The following C1QTNF3 variants were observed in gnomAD, a reference collection of about 807,000 sequenced individuals.
C1QTNF3 encodes the protein complement C1q tumor necrosis factor-related protein 3.
A neutral mutation model predicts 32.6 loss-of-function variants in C1QTNF3; 26 were observed. The ratio of observed to expected loss-of-function variants is 0.80; its 90% CI spans 0.58 to 1.11. The LOEUF is 1.11. C1QTNF3 is among the 50% of genes least tolerant of loss of function. The probability of loss-of-function intolerance (pLI) is 0.00; values close to 1 mark genes in which losing one functional copy is unlikely to be tolerated. For missense variants in C1QTNF3, 362 were observed against 398.2 expected, an observed-to-expected ratio of 0.91 and a Z score of 0.77; for synonymous variants, 155 against 146.0, an observed-to-expected ratio of 1.06 and a Z score of -0.44.
upstream of C1QTNF3, chr5:34,043,310 C>G (rs936878055): frequency 1.6e-6 from 1 of 607,480 alleles, no homozygotes; most frequent in African/African-American, 1.9e-5. Flanking sequence ...CCAGGCAGAA[C>G]AGCCCCCATT....
intron 1 of C1QTNF3, among the ~76,000 whole-genome samples, chr5:34,038,394 A>C (rs986992097): frequency 1.7e-4 from 26 of 152,266 alleles, no homozygotes; most frequent in African/African-American, 5.8e-4. Context: ...AGGTGTTTTA[A>C]GAAAGACGTA....
chr5:34,027,585 C>A (rs2112103411), intron 4 of C1QTNF3, among the ~76,000 whole-genome samples: 1 of 152,128 alleles, frequency 6.6e-6, no homozygotes, highest in Middle Eastern at 3.4e-3. Context: ...GCAGTCCCAG[C>A]TACTCAGGAG....
the C1QTNF3 span, among the ~76,000 whole-genome samples, chr5:34,145,723 A>G: frequency 1.3e-5 from 2 of 151,606 alleles, no homozygotes; most frequent in African/African-American, 4.8e-5. Flanking sequence ...TCCCGCCAGT[A>G]TCCCTGATGA....
the C1QTNF3 span, among the ~76,000 whole-genome samples, chr5:34,145,087 C>T: frequency 2.0e-5 from 3 of 152,180 alleles, no homozygotes; most frequent in East Asian, 5.8e-4. Flanking sequence ...CAAGACTGTG[C>T]CACTGCACTC....
chr5:34,164,639 A>C, the C1QTNF3 span: 1 of 152,044 alleles, frequency 6.6e-6, no homozygotes, highest in Non-Finnish European at 1.5e-5. Context: ...TGGGTAAAAA[A>C]GCAAGGAGTG....
the C1QTNF3 span, among the ~76,000 whole-genome samples, chr5:34,136,412 C>T: frequency 6.6e-6 from 1 of 152,232 alleles, no homozygotes; most frequent in African/African-American, 2.4e-5. Context: ...CTCATCGTCA[C>T]TAGTCATCAG....
chr5:34,056,316 C>G, the C1QTNF3 span, among the ~76,000 whole-genome samples: 1 of 151,374 alleles, frequency 6.6e-6, no homozygotes, highest in Non-Finnish European at 1.5e-5. Context: ...TTTTCTTACT[C>G]ATGCTTGTGC....
the C1QTNF3 span, among the ~76,000 whole-genome samples, chr5:34,213,420 T>G: frequency 1.3e-5 from 2 of 151,896 alleles, no homozygotes; most frequent in African/African-American, 4.8e-5. Flanking sequence ...ATAAAAGAGA[T>G]TAATAATAAA....
the C1QTNF3 span, among the ~76,000 whole-genome samples, chr5:34,174,893 G>A: frequency 5.9e-4 from 88 of 149,656 alleles, no homozygotes; most frequent in African/African-American, 2.0e-3. Flanking sequence ...GACTACAGGC[G>A]CCCACCACCA....
At chr5:34,036,308 T>C (rs556509306) in intron 1 of C1QTNF3, among the ~76,000 whole-genome samples, 3 of 152,350 alleles carry the variant, frequency 2.0e-5, no homozygotes, top group South Asian at 4.1e-4. Flanking sequence ...TAAATTGTCT[T>C]AGAAAACGAA....
chr5:34,207,475 T>A, the C1QTNF3 span, among the ~76,000 whole-genome samples: 2 of 152,176 alleles, frequency 1.3e-5, no homozygotes, highest in Non-Finnish European at 1.5e-5. Context: ...GGTTGTTCAC[T>A]TTTTAGAAAC....
chr5:34,101,102 T>C, the C1QTNF3 span, among the ~76,000 whole-genome samples: 1 of 151,808 alleles, frequency 6.6e-6, no homozygotes, highest in Non-Finnish European at 1.5e-5. Context: ...AAAATCAAAA[T>C]AGCTTTCTTT....
the C1QTNF3 span, among the ~76,000 whole-genome samples, chr5:34,138,547 T>G: frequency 1.3e-5 from 2 of 152,274 alleles, no homozygotes; most frequent in East Asian, 3.9e-4. Context: ...TTCAAAGTGA[T>G]GCTTTATATA....
the C1QTNF3 span, among the ~76,000 whole-genome samples, chr5:34,196,816 C>T: frequency 4.6e-5 from 7 of 151,740 alleles, no homozygotes; most frequent in Non-Finnish European, 7.4e-5. Flanking sequence ...CCCGCCACCA[C>T]GCCCGGCTAA....
At chr5:34,088,082 T>C in the C1QTNF3 span, among the ~76,000 whole-genome samples, 4 of 152,396 alleles carry the variant, frequency 2.6e-5, no homozygotes, top group Non-Finnish European at 2.9e-5. Flanking sequence ...TAAAGCTAAA[T>C]AGTTTGTGTT....
the C1QTNF3 span, among the ~76,000 whole-genome samples, chr5:34,111,682 T>G: frequency 6.6e-6 from 1 of 151,712 alleles, no homozygotes; most frequent in Non-Finnish European, 1.5e-5. Flanking sequence ...AAGAGTGTTT[T>G]CTGCTTACAT....
chr5:34,121,276 TTTG>T, the C1QTNF3 span, among the ~76,000 whole-genome samples: 1 of 152,182 alleles, frequency 6.6e-6, no homozygotes, highest in African/African-American at 2.4e-5. Context: ...CCTATTTGTT[TTTG>T]TTGTTGTTGT....
chr5:34,240,170 A>G, the C1QTNF3 span, among the ~76,000 whole-genome samples: 1 of 151,460 alleles, frequency 6.6e-6, no homozygotes, highest in South Asian at 2.1e-4. Flanking sequence ...CCTTTATCAT[A>G]AAGTTAGAAA....
the C1QTNF3 span, among the ~76,000 whole-genome samples, chr5:34,074,046 AAGT>A: frequency 6.6e-6 from 1 of 152,186 alleles, no homozygotes; most frequent in African/African-American, 2.4e-5. Flanking sequence ...ATTATGTAGT[AAGT>A]AGCATTTATT....
Sources: allele counts gnomAD v4.1 joint callset (sites outside exome capture counted in the v4.1 genomes callset), GRCh38; gene constraint gnomAD v4.1.1; transcripts MANE v1.5; gene names NCBI Gene and HGNC (gene_info 2026-07-23, HGNC 2026-07-21).